The following ASIC2 variants were observed in gnomAD, a reference collection of about 807,000 sequenced individuals.
ASIC2 encodes the protein acid-sensing ion channel 2.
Under a neutral mutation model 57.3 loss-of-function variants are expected in ASIC2, and 25 were observed. The observed-to-expected ratio is 0.44, with a 90% CI of 0.32 to 0.61. The LOEUF (loss-of-function observed/expected upper bound fraction) is 0.61, where lower values mean the gene tolerates loss of function less well. Ranked by LOEUF, ASIC2 falls within the 20% of genes least tolerant of loss-of-function variation. The pLI, the probability that ASIC2 is intolerant of heterozygous loss-of-function variation, is 0.06. For synonymous variants in ASIC2, 319 were observed against 307.5 expected, an observed-to-expected ratio of 1.04 and a Z score of -0.39; for missense variants, 641 against 738.1, an observed-to-expected ratio of 0.87 and a Z score of 1.52.
intron 1 of ASIC2, among the ~76,000 whole-genome samples, chr17:33,658,306 A>G (rs1372920014): frequency 6.6e-6 from 1 of 152,222 alleles, no homozygotes; most frequent in African/African-American, 2.4e-5. Context: ...ATAGGAATCC[A>G]AATTCCTTTT....
At chr17:33,914,270 C>T (rs1479557171) in intron 1 of ASIC2, among the ~76,000 whole-genome samples, 1 of 152,158 alleles carries the variant, frequency 6.6e-6, no homozygotes, top group Non-Finnish European at 1.5e-5. Flanking sequence ...TCCTGTCTTT[C>T]ATTACGAAAG....
intron 1 of ASIC2, among the ~76,000 whole-genome samples, chr17:33,651,766 G>A (rs1351941778): frequency 6.6e-6 from 1 of 152,230 alleles, no homozygotes; most frequent in Non-Finnish European, 1.5e-5. Flanking sequence ...CCATGTCCCT[G>A]TCTGGACCAG....
At chr17:33,230,857 C>T (rs1182846718) in intron 1 of ASIC2, among the ~76,000 whole-genome samples, 1 of 152,068 alleles carries the variant, frequency 6.6e-6, no homozygotes, top group Non-Finnish European at 1.5e-5. Context: ...GTTCCCACTT[C>T]AAGGTGATAC....
chr17:33,393,450 C>A (rs907240512), intron 1 of ASIC2, among the ~76,000 whole-genome samples: 5 of 152,128 alleles, frequency 3.3e-5, no homozygotes, highest in African/African-American at 4.8e-5. Context: ...CCTCACTTCT[C>A]CACCAGCCTT....
intron 1 of ASIC2, among the ~76,000 whole-genome samples, chr17:33,249,714 G>C (rs1908816441): frequency 6.6e-6 from 1 of 152,182 alleles, no homozygotes; most frequent in South Asian, 2.1e-4. Flanking sequence ...GCTCACTCTG[G>C]AGGCCTCTTG....
chr17:33,241,448 C>T (rs537598979), intron 1 of ASIC2, among the ~76,000 whole-genome samples: 2 of 152,350 alleles, frequency 1.3e-5, no homozygotes, highest in African/African-American at 4.8e-5. Context: ...CTGTTCCAGC[C>T]CTGTGCTGCC....
chr17:34,081,335 A>G (rs1909874328), intron 1 of ASIC2, among the ~76,000 whole-genome samples: 1 of 152,174 alleles, frequency 6.6e-6, no homozygotes, highest in Admixed American at 6.5e-5. Context: ...TTTGCTAGGC[A>G]CTAGATAGAT....
At chr17:33,038,664 C>G (rs989008826) in intron 3 of ASIC2, among the ~76,000 whole-genome samples, 1 of 152,218 alleles carries the variant, frequency 6.6e-6, no homozygotes, top group African/African-American at 2.4e-5. Context: ...GAATGCAGAA[C>G]TTTTGTGATT....
At chr17:33,369,679 T>C (rs979606090) in intron 1 of ASIC2, among the ~76,000 whole-genome samples, 2 of 152,162 alleles carry the variant, frequency 1.3e-5, no homozygotes, top group Non-Finnish European at 2.9e-5. Flanking sequence ...AAAGGGGCAG[T>C]GGGACTATAT....
intron 1 of ASIC2, among the ~76,000 whole-genome samples, chr17:33,856,523 T>TGGTGGTGGC (rs1913946568): frequency 1.1e-5 from 1 of 90,984 alleles, no homozygotes; most frequent in Admixed American, 1.2e-4. Flanking sequence ...GTGGTGGTGG[T>TGGTGGTGGC]AGTAGTAGTG....
intron 1 of ASIC2, among the ~76,000 whole-genome samples, chr17:33,984,720 A>T (rs1905754322): frequency 6.6e-6 from 1 of 152,126 alleles, no homozygotes; most frequent in Non-Finnish European, 1.5e-5. Flanking sequence ...TGAAGATGAG[A>T]TGGAAACACC....
intron 1 of ASIC2, among the ~76,000 whole-genome samples, chr17:33,989,699 C>T (rs912437896): frequency 2.6e-5 from 4 of 152,122 alleles, no homozygotes; most frequent in African/African-American, 7.2e-5. Context: ...ACTCAAATGA[C>T]ACTGTTGTTT....
At chr17:34,130,315 C>A (rs1055926529) in intron 1 of ASIC2, among the ~76,000 whole-genome samples, 12 of 152,208 alleles carry the variant, frequency 7.9e-5, no homozygotes, top group African/African-American at 2.4e-4. Flanking sequence ...CACTGCTTTC[C>A]AGGTGCTGAA....
At chr17:33,186,167 A>G (rs1034413954) in intron 1 of ASIC2, among the ~76,000 whole-genome samples, 2 of 151,938 alleles carry the variant, frequency 1.3e-5, no homozygotes, top group Non-Finnish European at 2.9e-5. Flanking sequence ...CTGGAGTGCA[A>G]TGGCTTGATC....
rs548766544 is a variant in ASIC2 at position 33,109,683 on chromosome 17, A to T, written c.859+2234T>A. 4.2e-4 allele frequency among the ~76,000 whole-genome samples: 64 copies of T among 152,132 alleles called. No individual in the cohort carries two copies. In the South Asian group the frequency reaches 0.012, roughly 29 times the overall value. On this transcript the variant is annotated intron_variant, in intron 2 of 9. Transcript: ENST00000225823. ...ATGACCTGCGCAGTGTTAGCATGTG[A>T]CAAGTCCTTAATCAAGATTATGAAT...
chr17:33,450,682 C>T (rs1176861806), intron 1 of ASIC2, among the ~76,000 whole-genome samples: 1 of 152,116 alleles, frequency 6.6e-6, no homozygotes, highest in African/African-American at 2.4e-5. Flanking sequence ...TACAATAAAA[C>T]CTTGTAATCA....
intron 1 of ASIC2, among the ~76,000 whole-genome samples, chr17:33,570,307 G>T (rs539399727): frequency 6.6e-6 from 1 of 152,296 alleles, no homozygotes; most frequent in Non-Finnish European, 1.5e-5. Flanking sequence ...GAGCCCATCA[G>T]GACTCTGAGA....
chr17:33,969,055 A>G (rs914375196), intron 1 of ASIC2, among the ~76,000 whole-genome samples: 3 of 152,182 alleles, frequency 2.0e-5, no homozygotes, highest in Admixed American at 6.5e-5. Flanking sequence ...GCCCAGTGCT[A>G]AAGACAGTAA....
chr17:34,017,347 G>A (rs1245100574), intron 1 of ASIC2, among the ~76,000 whole-genome samples: 1 of 152,118 alleles, frequency 6.6e-6, no homozygotes, highest in East Asian at 1.9e-4. Context: ...TAACCAACTA[G>A]TCATTCTCCT....
Sources: allele counts gnomAD v4.1 joint callset (sites outside exome capture counted in the v4.1 genomes callset), GRCh38; gene constraint gnomAD v4.1.1; transcripts MANE v1.5; gene names NCBI Gene and HGNC (gene_info 2026-07-23, HGNC 2026-07-21).